Variants in CNTN5 observed in about 807,000 individuals in gnomAD.
The protein encoded by CNTN5 is contactin 5.
CNTN5 carries 77 observed loss-of-function variants against 129.1 expected under a neutral mutation model. That is an observed-to-expected ratio of 0.60 (90% CI 0.50 to 0.72). The LOEUF is 0.72. Ranked by LOEUF, CNTN5 falls within the 30% of genes least tolerant of loss-of-function variation. The probability of loss-of-function intolerance (pLI) is 0.00; values close to 1 mark genes in which losing one functional copy is unlikely to be tolerated. For synonymous variants in CNTN5, 509 were observed against 465.6 expected, an observed-to-expected ratio of 1.09 and a Z score of -1.20; for missense variants, 1,478 against 1,328.8, an observed-to-expected ratio of 1.11 and a Z score of -1.75.
chr11:99,564,174 T>G (rs1435535571), intron 3 of CNTN5, among the ~76,000 whole-genome samples: 1 of 152,188 alleles, frequency 6.6e-6, no homozygotes, highest in Non-Finnish European at 1.5e-5. Flanking sequence ...ATTGAATCCC[T>G]GAGATCAAGT....
At chr11:100,241,860 C>T (rs1477909874) in intron 16 of CNTN5, among the ~76,000 whole-genome samples, 5 of 152,190 alleles carry the variant, frequency 3.3e-5, no homozygotes, top group African/African-American at 1.2e-4. Context: ...AAGTAACTGC[C>T]TGAAGCATCA....
At chr11:100,098,305 T>C (rs1945086675) in intron 13 of CNTN5, among the ~76,000 whole-genome samples, 2 of 152,176 alleles carry the variant, frequency 1.3e-5, no homozygotes, top group Middle Eastern at 3.4e-3. Flanking sequence ...AAGAAAGTAG[T>C]GATTACTTAC....
In CNTN5 at chr11:99,951,277, A is replaced by AG. The variant is rs559128294; in HGVS notation, c.674-5529_674-5528insG. ...CAAGGGAAGAACTAGGTAAAAAAAAAAAAACATGAAAAGTATGTGACTCAC... is the reference window on the plus strand; with the variant it reads ...CAAGGGAAGAACTAGGTAAAAAAAAAGAAAACATGAAAAGTATGTGACTCAC... On this transcript the variant is annotated intron_variant, in intron 7 of 24. Coordinates refer to ENST00000524871, the MANE Select transcript of CNTN5 (RefSeq NM_014361.4). Among the ~76,000 whole-genome samples, 313 of 151,836 alleles carry AG rather than the reference A, an allele frequency of 2.1e-3. 1 individual carries two copies. The highest frequency in any genetic ancestry group is 7.3e-3 in the African/African-American group (301 of 41,470).
At position 99,089,915 on chromosome 11, in the gene CNTN5, T is replaced by C. The variant is rs955308731; in HGVS notation, c.-210+68645T>C. 2.6e-4 allele frequency among the ~76,000 whole-genome samples: 39 copies of C among 152,304 alleles called. 1 individual carries two copies. Among genetic ancestry groups the C allele is most frequent in the African/African-American group, 9.1e-4 (38 of 41,582 alleles). On this transcript the variant is annotated intron_variant, in intron 1 of 24. Transcript: ENST00000524871. Reference sequence around the variant, plus strand: ...GCAGGTCTATGATAATTATTAAATATCAGTTTTTCAATGGTTTTCCTAGCC... The same window carrying C: ...GCAGGTCTATGATAATTATTAAATACCAGTTTTTCAATGGTTTTCCTAGCC...
chr11:99,723,585 T>C (rs1943242629), intron 3 of CNTN5, among the ~76,000 whole-genome samples: 1 of 152,216 alleles, frequency 6.6e-6, no homozygotes, highest in South Asian at 2.1e-4. Flanking sequence ...AAGCATTTAC[T>C]GCCATCTAAT....
At chr11:99,620,468 T>A (rs1439052336) in intron 3 of CNTN5, among the ~76,000 whole-genome samples, 1 of 149,706 alleles carries the variant, frequency 6.7e-6, no homozygotes, top group South Asian at 2.1e-4. Flanking sequence ...CTGAGTAGAG[T>A]TAATGATTTA....
At chr11:99,311,752 C>T (rs1037432187) in intron 1 of CNTN5, among the ~76,000 whole-genome samples, 1 of 152,110 alleles carries the variant, frequency 6.6e-6, no homozygotes, top group Admixed American at 6.6e-5. Flanking sequence ...TTATTTTATG[C>T]TAGTTTGTTG....
chr11:99,093,029 GAT>G (rs1385207155), intron 1 of CNTN5, among the ~76,000 whole-genome samples: 1 of 151,918 alleles, frequency 6.6e-6, no homozygotes, highest in African/African-American at 2.4e-5. Context: ...TGAATTTTAA[GAT>G]AAATTATTTG....
intron 2 of CNTN5, among the ~76,000 whole-genome samples, chr11:99,389,202 T>G (rs1381328806): frequency 6.6e-6 from 1 of 151,900 alleles, no homozygotes; most frequent in Non-Finnish European, 1.5e-5. Flanking sequence ...GCTAATTTTG[T>G]ATTTTTAGTA....
intron 7 of CNTN5, among the ~76,000 whole-genome samples, chr11:99,955,873 T>G (rs1451906967): frequency 6.6e-6 from 1 of 152,186 alleles, no homozygotes; most frequent in African/African-American, 2.4e-5. Flanking sequence ...CTATATCATT[T>G]ATTTTAATAA....
At chr11:99,523,221 A>T (rs59224329) in intron 2 of CNTN5, among the ~76,000 whole-genome samples, 7,312 of 152,234 alleles carry the variant, frequency 0.048, 211 homozygotes, top group Non-Finnish European at 0.065. Flanking sequence ...ACTTGCGTAC[A>T]TTGAGTATAC....
chr11:100,066,859 G>C (rs1417313085), intron 10 of CNTN5, among the ~76,000 whole-genome samples: 1 of 144,248 alleles, frequency 6.9e-6, no homozygotes. Flanking sequence ...AAGTTTAAAT[G>C]TAACCTTTTA....
intron 9 of CNTN5, among the ~76,000 whole-genome samples, chr11:100,042,254 T>G (rs993068221): frequency 2.4e-4 from 36 of 150,718 alleles, no homozygotes; most frequent in African/African-American, 8.5e-4. Flanking sequence ...TACAGAATCA[T>G]AAAAGGAAAA....
chr11:99,826,170 A>AT (rs1565575836), intron 4 of CNTN5, among the ~76,000 whole-genome samples: 2 of 152,004 alleles, frequency 1.3e-5, no homozygotes, highest in African/African-American at 4.8e-5. Context: ...GCAATATAGA[A>AT]TTTTTTATCT....
chr11:100,108,047 C>A (rs1273985990), intron 13 of CNTN5, among the ~76,000 whole-genome samples: 1 of 147,148 alleles, frequency 6.8e-6, no homozygotes, highest in African/African-American at 2.5e-5. Flanking sequence ...ATTCGAAGTG[C>A]ATTGGTTTGA....
intron 1 of CNTN5, among the ~76,000 whole-genome samples, chr11:99,210,527 G>T (rs1448478468): frequency 6.6e-6 from 1 of 151,952 alleles, no homozygotes; most frequent in South Asian, 2.1e-4. Context: ...GTTAGAGATT[G>T]GGAAGTAAGA....
At chr11:99,162,725 C>G (rs549662290) in intron 1 of CNTN5, among the ~76,000 whole-genome samples, 4 of 152,114 alleles carry the variant, frequency 2.6e-5, no homozygotes, top group Admixed American at 6.6e-5. Context: ...TTAGGTATGA[C>G]TAGTTTCTTC....
intron 3 of CNTN5, among the ~76,000 whole-genome samples, chr11:99,696,880 G>T (rs1954293184): frequency 6.6e-6 from 1 of 151,832 alleles, no homozygotes; most frequent in African/African-American, 2.4e-5. Context: ...TAATATCAAG[G>T]TTTCTATGCA....
rs545502713 is a variant in CNTN5 at position 100,147,114 on chromosome 11, T to G, written c.1581-44012T>G. On this transcript the variant is annotated intron_variant, in intron 13 of 24. Coordinates refer to ENST00000524871, the MANE Select transcript of CNTN5 (RefSeq NM_014361.4). ...ACTCTTTAGCATGGCAAACAAGGTC[T>G]CTGCAACCTGGTTTCATCTTTCTGT... Among the ~76,000 whole-genome samples the G allele has an allele frequency of 1.4e-4, 21 of 152,240 alleles. No homozygotes were observed. In the South Asian group the frequency reaches 2.7e-3, roughly 20 times the overall value.
Sources: gnomAD v4.1 joint callset for allele counts (sites outside exome capture counted in the v4.1 genomes callset) on GRCh38, gnomAD v4.1.1 for gene constraint, MANE v1.5 for transcripts, NCBI Gene and HGNC (gene_info 2026-07-23, HGNC 2026-07-21) for gene names.